Variants in SELP observed in about 807,000 individuals in gnomAD.
SELP encodes the protein selectin P, also known as P-selectin.
Under a neutral mutation model 104.1 loss-of-function variants are expected in SELP, and 92 were observed. The observed-to-expected ratio is 0.88, with a 90% CI of 0.75 to 1.05. The LOEUF is 1.05. SELP is among the 50% of genes least tolerant of loss of function. The probability of loss-of-function intolerance (pLI) is 0.00; values close to 1 mark genes in which losing one functional copy is unlikely to be tolerated. For synonymous variants in SELP, 397 were observed against 364.5 expected, an observed-to-expected ratio of 1.09 and a Z score of -1.01; for missense variants, 1,022 against 1,017.3, an observed-to-expected ratio of 1.00 and a Z score of -0.06.
intron 1 of SELP, among the ~76,000 whole-genome samples, chr1:169,624,229 A>C (rs1245799942): frequency 6.6e-6 from 1 of 152,154 alleles, no homozygotes; most frequent in Non-Finnish European, 1.5e-5. Context: ...TCTGCATTAT[A>C]GTCTGCAGGA....
chr1:169,617,408 G>A lies in SELP; in HGVS notation c.101C>T (p.Thr34Ile). 3 of 1,613,702 alleles carry A rather than the reference G, an allele frequency of 1.9e-6. No individual in the cohort carries two copies. Among genetic ancestry groups the A allele is most frequent in the Non-Finnish European group, 2.5e-6 (3 of 1,179,734 alleles). ...LCFSALISEL[T>I]NQKEVAAWTY... ...CCATGCTGCCACTTCTTTCTGGTTT[G>A]TTAGTTCTAGAGTAAAGGAGAGTGA... Residue 34 changes from threonine (T) to isoleucine (I), a missense_variant, in exon 3 of 17, where the codon ACA (threonine) becomes ATA (isoleucine). Transcript: ENST00000263686.
chr1:169,606,064 A>C (rs111913100), intron 9 of SELP, among the ~76,000 whole-genome samples: 80 of 152,302 alleles, frequency 5.3e-4, no homozygotes, highest in Middle Eastern at 6.8e-3. Flanking sequence ...CACCTGTAAT[A>C]CCAGCACTGT....
chr1:169,626,242 T>C (rs1267576609), intron 1 of SELP, among the ~76,000 whole-genome samples: 1 of 152,160 alleles, frequency 6.6e-6, no homozygotes, highest in Non-Finnish European at 1.5e-5. Flanking sequence ...ACATCGGGCT[T>C]TGGGATCCAA....
In SELP at chr1:169,603,183, A is replaced by G. The variant is rs1356647463; in HGVS notation, c.1548T>C (p.Pro516=). ...GAACACAGGTCATTGTTCCATTCTG[A>G]GGGCTTAGCAAAGGTGTGCAGGGAA... ...QAIPCTPLLS[P]QNGTMTCVQP... The change falls in exon 10 of 17, where the codon CCT becomes CCC. Residue 516 remains proline (P), a synonymous_variant. Coordinates refer to ENST00000263686, the MANE Select transcript of SELP (RefSeq NM_003005.4). 6.2e-7 allele frequency: 1 copy of G among 1,613,800 alleles called. No homozygotes were observed. The highest frequency in any genetic ancestry group is 8.5e-7 in the Non-Finnish European group (1 of 1,179,782).
At chr1:169,626,336 C>A (rs910547703) in intron 1 of SELP, among the ~76,000 whole-genome samples, 1 of 152,350 alleles carries the variant, frequency 6.6e-6, no homozygotes, top group Admixed American at 6.5e-5. Flanking sequence ...AATCCCAACA[C>A]TTTATGAGGC....
intron 14 of SELP, among the ~76,000 whole-genome samples, chr1:169,592,419 C>G (rs559273535): frequency 1.3e-5 from 2 of 152,152 alleles, no homozygotes; most frequent in African/African-American, 4.8e-5. Flanking sequence ...AATGAGATCT[C>G]TTTCAGATAT....
intron 7 of SELP, among the ~76,000 whole-genome samples, chr1:169,610,301 G>C (rs1662455090): frequency 6.6e-6 from 1 of 152,094 alleles, no homozygotes; most frequent in Admixed American, 6.5e-5. Context: ...GACTTCAGTT[G>C]CCAAGTGAGT....
intron 10 of SELP, among the ~76,000 whole-genome samples, chr1:169,602,737 G>T (rs189514484): frequency 1.4e-3 from 210 of 152,194 alleles, no homozygotes; most frequent in Non-Finnish European, 2.4e-3. Context: ...TCAGCCTCCC[G>T]AGTAGCTGGG....
chr1:169,607,528 T>C (rs1001895757), intron 8 of SELP, among the ~76,000 whole-genome samples: 4 of 152,100 alleles, frequency 2.6e-5, no homozygotes, highest in African/African-American at 9.7e-5. Context: ...GGTGGATCCA[T>C]GAAAAGAATG....
intron 11 of SELP, 32 bp from the exon 12 acceptor site, chr1:169,596,166 C>A: frequency 6.3e-7 from 1 of 1,591,776 alleles, no homozygotes; most frequent in Non-Finnish European, 8.6e-7. Flanking sequence ...ATTCAGAGAC[C>A]TCCCAATTAA....
At chr1:169,595,036 A>G (rs1661533550) in intron 12 of SELP, among the ~76,000 whole-genome samples, 159 bp from the exon 13 acceptor site, 1 of 152,212 alleles carries the variant, frequency 6.6e-6, no homozygotes. Context: ...CTCTTCTAAC[A>G]GCACATATAT....
chr1:169,590,340 T>C, intron 15 of SELP, 138 bp from the exon 16 acceptor site: 1 of 673,706 alleles, frequency 1.5e-6, no homozygotes, highest in Non-Finnish European at 2.6e-6. Flanking sequence ...GAAAAATAAA[T>C]GCCAAAGAAA....
chr1:169,594,582 GA>G, intron 13 of SELP, 109 bp downstream of exon 13: 1 of 1,038,944 alleles, frequency 9.6e-7, no homozygotes, highest in South Asian at 1.6e-5. Context: ...TAAGCAGGGG[GA>G]AACCCGGGGA....
chr1:169,595,478 A>C (rs976242928), intron 12 of SELP, among the ~76,000 whole-genome samples: 12 of 152,226 alleles, frequency 7.9e-5, no homozygotes, highest in Non-Finnish European at 1.3e-4. Context: ...AAATGAAAGA[A>C]ACATAGGTCT....
chr1:169,622,928 T>C (rs1445957217), intron 1 of SELP, among the ~76,000 whole-genome samples: 1 of 152,200 alleles, frequency 6.6e-6, no homozygotes, highest in African/African-American at 2.4e-5. Flanking sequence ...CTTTATTCCA[T>C]TGGATAAACT....
chr1:169,609,389 C>A, intron 8 of SELP, 115 bp downstream of exon 8: 1 of 1,033,378 alleles, frequency 9.7e-7, no homozygotes, highest in South Asian at 1.6e-5. Context: ...GGACATGGCC[C>A]ATAGTAGGTT....
rs1022270586 is a variant in SELP at position 169,616,931 on chromosome 1, T to C, written c.481+97A>G. 6 of 1,326,590 alleles carry C rather than the reference T, an allele frequency of 4.5e-6. No homozygotes were observed. The African/African-American group carries it at 8.8e-5, about 19-fold the overall frequency. 82.2% of individuals were successfully genotyped at this position (1,326,590 alleles called of 1,614,324 possible). ...ACCCCTTGATTTCATGTCCTGCCTT[T>C]GTATCTTTGTGTTGACTCGGTGGTT... is the stretch of plus-strand genomic sequence containing the variant. On this transcript the variant is annotated intron_variant, in intron 3 of 16. Transcript: ENST00000263686.
At chr1:169,598,491 C>T (rs1459683769) in intron 10 of SELP, among the ~76,000 whole-genome samples, 1 of 152,176 alleles carries the variant, frequency 6.6e-6, no homozygotes, top group Non-Finnish European at 1.5e-5. Context: ...TGCATGAATC[C>T]ATTCAAATAG....
chr1:169,616,074 G>C (rs150978457), intron 3 of SELP, among the ~76,000 whole-genome samples: 1 of 152,110 alleles, frequency 6.6e-6, no homozygotes, highest in African/African-American at 2.4e-5. Flanking sequence ...CACTAGGCTC[G>C]TGACTAGAGG....
Sources: allele counts gnomAD v4.1 joint callset (sites outside exome capture counted in the v4.1 genomes callset), GRCh38; gene constraint gnomAD v4.1.1; transcripts MANE v1.5; gene names NCBI Gene and HGNC (gene_info 2026-07-23, HGNC 2026-07-21).